Variants in DOCK1 observed in about 807,000 individuals in gnomAD.
DOCK1 encodes dedicator of cytokinesis 1, also known as dedicator of cytokinesis protein 1.
A neutral mutation model predicts 262.7 loss-of-function variants in DOCK1; 138 were observed. The observed-to-expected ratio is 0.53, with a 90% confidence interval of 0.46 to 0.61. DOCK1 has a LOEUF of 0.61. Ranked by LOEUF, DOCK1 falls within the 20% of genes least tolerant of loss-of-function variation. The pLI, the probability that DOCK1 is intolerant of heterozygous loss-of-function variation, is 0.00. For synonymous variants in DOCK1, 866 were observed against 867.4 expected (o/e 1.00, Z 0.03); for missense variants, 1,908 against 2,370.7 (o/e 0.80, Z 4.05).
chr10:127,166,438 G>T lies in DOCK1; in HGVS notation c.2847+38674G>T, dbSNP rs1310559226. 3.9e-5 allele frequency among the ~76,000 whole-genome samples: 6 copies of T among 152,164 alleles called. No homozygotes were observed. In the South Asian group the frequency reaches 8.3e-4, roughly 21 times the overall value. On this transcript the variant is annotated intron_variant, in intron 27 of 51. Coordinates refer to ENST00000623213, the MANE Select transcript of DOCK1 (RefSeq NM_001290223.2). ...AGGGGAGAGAGAAGATGAGTGGGCC[G>T]GTCTGACAGCCCAGATGTGAATTCT...
intron 38 of DOCK1, chr10:127,402,575 C>T (rs545479466): frequency 1.0e-5 from 5 of 492,136 alleles, no homozygotes; most frequent in South Asian, 7.2e-5. Flanking sequence ...GAAGTCTGCC[C>T]TGTTATTTCT....
chr10:127,438,494 G>A (rs2069847436), intron 48 of DOCK1, among the ~76,000 whole-genome samples: 1 of 152,160 alleles, frequency 6.6e-6, no homozygotes, highest in Non-Finnish European at 1.5e-5. Flanking sequence ...TTGCTGGCTG[G>A]AAACCTCAGG....
At chr10:126,925,604 G>A (rs1051805119) in intron 1 of DOCK1, among the ~76,000 whole-genome samples, 35 of 152,108 alleles carry the variant, frequency 2.3e-4, no homozygotes, top group Non-Finnish European at 4.4e-4. Context: ...GGATGGTCTC[G>A]ATCTCTTGAT....
chr10:127,386,051 G>A lies in DOCK1; in HGVS notation c.3927+1142G>A, dbSNP rs778254833. 1.4e-4 allele frequency among the ~76,000 whole-genome samples: 22 copies of A among 152,190 alleles called. 1 individual carries two copies. The highest frequency in any genetic ancestry group is 6.5e-4 in the Admixed American group (10 of 15,272). On this transcript the variant is annotated intron_variant, in intron 38 of 51. Coordinates refer to ENST00000623213, the MANE Select transcript of DOCK1 (RefSeq NM_001290223.2). ...CCTACCCACAATTGTACTGATGCCC[G>A]GGAGTGATGATGGCTGCCCCTTTTT...
At chr10:127,273,511 G>C (rs2060639117) in intron 29 of DOCK1, among the ~76,000 whole-genome samples, 1 of 152,206 alleles carries the variant, frequency 6.6e-6, no homozygotes, top group African/African-American at 2.4e-5. Context: ...GAATGTTACT[G>C]CTTCTACTTT....
intron 6 of DOCK1, among the ~76,000 whole-genome samples, chr10:126,992,500 A>G (rs1326872414): frequency 6.6e-6 from 1 of 152,212 alleles, no homozygotes; most frequent in Non-Finnish European, 1.5e-5. Flanking sequence ...TAAATGATGC[A>G]AAATGATACC....
intron 37 of DOCK1, among the ~76,000 whole-genome samples, chr10:127,383,934 G>A (rs2065958905): frequency 6.6e-6 from 1 of 151,972 alleles, no homozygotes; most frequent in Non-Finnish European, 1.5e-5. Flanking sequence ...TCTTCTTCCT[G>A]TAGAAGGGTC....
At chr10:127,403,837 T>C (rs1273952320) in intron 39 of DOCK1, among the ~76,000 whole-genome samples, 10 of 152,218 alleles carry the variant, frequency 6.6e-5, no homozygotes, top group Admixed American at 6.5e-4. Context: ...GCCATGGGAA[T>C]GCTGTTAGTT....
intron 21 of DOCK1, among the ~76,000 whole-genome samples, chr10:127,046,806 A>G (rs140452206): frequency 6.6e-6 from 1 of 152,006 alleles, no homozygotes; most frequent in African/African-American, 2.4e-5. Flanking sequence ...GTATTGGTAA[A>G]ATAGGTACTC....
rs989910874 is a variant in DOCK1 at position 127,176,086 on chromosome 10, C to T, written c.2847+48322C>T. On this transcript the variant is annotated intron_variant, in intron 27 of 51. Transcript: ENST00000623213. This position sits in a 1 kb window ranked among gnomAD's most constrained non-coding sequence, Gnocchi z 4.4. Reference sequence around the variant, plus strand: ...TTAAGGTCGGGCGAGGTCTGCACGCCTGTGCTCTTGGTGACGTTGGGGATG... The same window carrying T: ...TTAAGGTCGGGCGAGGTCTGCACGCTTGTGCTCTTGGTGACGTTGGGGATG... 1 of 1,614,144 alleles carries T rather than the reference C, an allele frequency of 6.2e-7. No individual in the cohort carries two copies. The highest frequency in any genetic ancestry group is 8.5e-7 in the Non-Finnish European group (1 of 1,180,034).
intron 24 of DOCK1, among the ~76,000 whole-genome samples, chr10:127,108,066 C>T (rs58723794): frequency 4.0e-5 from 6 of 151,384 alleles, no homozygotes; most frequent in African/African-American, 1.5e-4. Context: ...CTGCTGGCCT[C>T]TCTCAGATTT....
chr10:127,327,124 A>G (rs2062778636), intron 29 of DOCK1, among the ~76,000 whole-genome samples: 1 of 152,264 alleles, frequency 6.6e-6, no homozygotes. Flanking sequence ...AGAATAACAA[A>G]TAAGCATTGG....
chr10:127,094,356 A>C (rs1368497573), intron 23 of DOCK1, among the ~76,000 whole-genome samples: 1 of 152,242 alleles, frequency 6.6e-6, no homozygotes, highest in Non-Finnish European at 1.5e-5. Context: ...CATGCACTGC[A>C]TATGGGAGTG....
chr10:127,333,113 G>A (rs2063054396), intron 29 of DOCK1, among the ~76,000 whole-genome samples: 1 of 152,090 alleles, frequency 6.6e-6, no homozygotes, highest in African/African-American at 2.4e-5. Context: ...CACCCATTTT[G>A]GGTAAAACAT....
At position 127,176,348 on chromosome 10, in the gene DOCK1, A is replaced by G. The variant is rs1371860529; in HGVS notation, c.2847+48584A>G. ...CCAGGCAGGCGGCGGGTTCCACTTC[A>G]CTCTCCGACGTTGTGAGTATGCATT... On this transcript the variant is annotated intron_variant, in intron 27 of 51. Coordinates refer to ENST00000623213, the MANE Select transcript of DOCK1 (RefSeq NM_001290223.2). This position sits in a 1 kb window ranked among gnomAD's most constrained non-coding sequence, Gnocchi z 4.4. The G allele has an allele frequency of 6.2e-7, 1 of 1,612,226 alleles. No individual in the cohort carries two copies. Among genetic ancestry groups the G allele is most frequent in the Non-Finnish European group, 8.5e-7 (1 of 1,179,628 alleles).
chr10:126,950,620 T>C (rs2036129774), intron 1 of DOCK1, among the ~76,000 whole-genome samples: 1 of 151,884 alleles, frequency 6.6e-6, no homozygotes, highest in Non-Finnish European at 1.5e-5. Context: ...AGTTACTCTT[T>C]GTTTGGGATG....
chr10:127,182,875 C>T (rs1010309647), intron 27 of DOCK1, among the ~76,000 whole-genome samples: 1 of 152,142 alleles, frequency 6.6e-6, no homozygotes, highest in African/African-American at 2.4e-5. Context: ...AGGTGTCCCA[C>T]TGACCCTGGA....
chr10:126,987,683 C>A, intron 5 of DOCK1, 66 bp downstream of exon 5: 1 of 1,318,356 alleles, frequency 7.6e-7, no homozygotes, highest in Non-Finnish European at 1.0e-6. Flanking sequence ...CCCTGATATG[C>A]CAATGGGATG....
intron 27 of DOCK1, among the ~76,000 whole-genome samples, chr10:127,145,361 T>C (rs949296275): frequency 3.9e-5 from 6 of 152,092 alleles, no homozygotes; most frequent in African/African-American, 1.2e-4. Context: ...TCTTATGCCA[T>C]CCCCCTAGGA....
Sources: gnomAD v4.1 joint callset for allele counts (sites outside exome capture counted in the v4.1 genomes callset) on GRCh38, gnomAD v4.1.1 for gene constraint, Gnocchi (gnomAD v3.1) non-coding constraint, MANE v1.5 for transcripts, NCBI Gene and HGNC (gene_info 2026-07-23, HGNC 2026-07-21) for gene names.